NAV3: variants seen among roughly 807,000 people sequenced by gnomAD.
NAV3 encodes neuron navigator 3, also known as pore membrane and/or filament interacting like protein 1.
NAV3 carries 87 observed loss-of-function variants against 244.7 expected under a neutral mutation model. That is an observed-to-expected ratio of 0.36 (90% CI 0.30 to 0.42). The LOEUF is 0.42. Among genes scored for constraint, NAV3 ranks in the 20% least tolerant of loss-of-function variants. The pLI, the probability that NAV3 is intolerant of heterozygous loss-of-function variation, is 1.00. For missense variants in NAV3, 2,663 were observed against 2,893.3 expected (o/e 0.92, Z 1.83); for synonymous variants, 1,126 against 1,042.2 (o/e 1.08, Z -1.55).
At chr12:78,189,291 C>T (rs10506773) in intron 33 of NAV3, among the ~76,000 whole-genome samples, 82,670 of 151,466 alleles carry the variant, frequency 0.55, 22,918 homozygotes, top group East Asian at 0.81. Flanking sequence ...TTTGTCTTCA[C>T]AATTCCTTGT....
intron 2 of NAV3, among the ~76,000 whole-genome samples, chr12:77,814,050 C>G (rs1157138868): frequency 6.6e-6 from 1 of 152,142 alleles, no homozygotes; most frequent in African/African-American, 2.4e-5. Flanking sequence ...CTCACATCTA[C>G]TGTTTCAGAG....
chr12:78,016,500 A>G (rs1876238117), intron 8 of NAV3, among the ~76,000 whole-genome samples: 1 of 152,056 alleles, frequency 6.6e-6, no homozygotes, highest in Non-Finnish European at 1.5e-5. Context: ...TAAATCTTCC[A>G]TCCACACTAG....
At chr12:77,882,374 C>T (rs1882761929) in intron 1 of NAV3, among the ~76,000 whole-genome samples, 1 of 152,092 alleles carries the variant, frequency 6.6e-6, no homozygotes, top group Non-Finnish European at 1.5e-5. Context: ...AACTGGCTAG[C>T]CATATGCAGA....
intron 3 of NAV3, among the ~76,000 whole-genome samples, chr12:77,964,110 TG>T (rs1166537413): frequency 2.0e-5 from 3 of 151,762 alleles, no homozygotes; most frequent in African/African-American, 4.8e-5. Flanking sequence ...CCCTTCTGAT[TG>T]TGGTGCAAGT....
At chr12:77,984,263 C>T (rs1870076268) in intron 5 of NAV3, among the ~76,000 whole-genome samples, 1 of 152,138 alleles carries the variant, frequency 6.6e-6, no homozygotes, top group Non-Finnish European at 1.5e-5. Context: ...AACTGAGAGA[C>T]CAAGAGCCAC....
chr12:77,702,029 T>C (rs1314652020), intron 2 of NAV3, among the ~76,000 whole-genome samples: 1 of 151,994 alleles, frequency 6.6e-6, no homozygotes, highest in Admixed American at 6.6e-5. Flanking sequence ...TTTTTCTAGT[T>C]GTGTTATAAA....
At chr12:77,675,443 G>C in intron 2 of NAV3, among the ~76,000 whole-genome samples, 1 of 152,194 alleles carries the variant, frequency 6.6e-6, no homozygotes, top group Admixed American at 6.5e-5. Context: ...AGGCCCACCC[G>C]GAATAGCAAG....
At chr12:77,810,683 G>T (rs1209029836) in intron 2 of NAV3, among the ~76,000 whole-genome samples, 1 of 152,100 alleles carries the variant, frequency 6.6e-6, no homozygotes, top group Non-Finnish European at 1.5e-5. Context: ...AATTAAAATA[G>T]AACTAAGATA....
intron 2 of NAV3, among the ~76,000 whole-genome samples, chr12:77,719,976 T>G (rs1156728784): frequency 6.6e-6 from 1 of 152,196 alleles, no homozygotes; most frequent in African/African-American, 2.4e-5. Flanking sequence ...ATTCAATGTC[T>G]TAACTAGTTA....
At chr12:77,735,247 A>G (rs1877287784) in intron 2 of NAV3, among the ~76,000 whole-genome samples, 1 of 152,162 alleles carries the variant, frequency 6.6e-6, no homozygotes, top group Non-Finnish European at 1.5e-5. Context: ...TCCACTGATC[A>G]TTTATTTATA....
At position 78,118,192 on chromosome 12, in the gene NAV3, G is replaced by A. The variant is rs768126294; in HGVS notation, c.2935G>A (p.Ala979Thr). 5.0e-6 allele frequency: 8 copies of A among 1,613,968 alleles called. No homozygotes were observed. Among genetic ancestry groups the A allele is most frequent in the Non-Finnish European group, 6.8e-6 (8 of 1,179,992 alleles). ...PEDPEKAGQK[A>T]SLSVSQTGSW... ...AGACCCCGAGAAGGCAGGGCAGAAA[G>A]CTTCCCTGTCTGTTTCACAGACAGG... The change falls in exon 14 of 40, where the codon GCT becomes ACT. Residue 979 changes from alanine (A) to threonine (T), a missense_variant. Transcript: ENST00000397909.
At chr12:78,171,458 G>A (rs1252384332) in intron 24 of NAV3, among the ~76,000 whole-genome samples, 2 of 151,522 alleles carry the variant, frequency 1.3e-5, no homozygotes, top group African/African-American at 2.4e-5. Flanking sequence ...GAGGGGTGGA[G>A]CTTAAGGTAA....
At chr12:77,885,194 G>T (rs1259975796) in intron 1 of NAV3, among the ~76,000 whole-genome samples, 2 of 151,990 alleles carry the variant, frequency 1.3e-5, no homozygotes, top group African/African-American at 4.8e-5. Context: ...AAACTTTTTA[G>T]GAGTTAATAA....
chr12:77,682,843 T>A (rs892632726), intron 2 of NAV3, among the ~76,000 whole-genome samples: 10 of 152,168 alleles, frequency 6.6e-5, no homozygotes, highest in South Asian at 2.1e-4. Context: ...CACATTTTTT[T>A]AATTGTATTA....
At chr12:77,671,936 A>C (rs1592566194) in intron 2 of NAV3, among the ~76,000 whole-genome samples, 1 of 152,330 alleles carries the variant, frequency 6.6e-6, no homozygotes, top group East Asian at 1.9e-4. Flanking sequence ...GCTTCTGCAC[A>C]GCAAAATAAA....
At chr12:77,846,406 C>T (rs780115385) in intron 1 of NAV3, among the ~76,000 whole-genome samples, 30 of 152,140 alleles carry the variant, frequency 2.0e-4, no homozygotes, top group Non-Finnish European at 3.2e-4. Flanking sequence ...AGGATAAATA[C>T]GAAAATGTTG....
chr12:77,837,792 G>T lies in NAV3; in HGVS notation c.243+6088G>T, dbSNP rs139041958. Among the ~76,000 whole-genome samples the T allele has an allele frequency of 1.8e-3, 269 of 152,328 alleles. 1 individual carries two copies. The highest frequency in any genetic ancestry group is 5.5e-3 in the African/African-American group (228 of 41,578). On this transcript the variant is annotated intron_variant, in intron 1 of 39. Transcript: ENST00000397909. ...TTGGTGAATTGTAAATCAATCAGTG[G>T]TTGTGTGAAGTGCCTAGAATTATCA...
At chr12:77,650,946 C>T (rs1020558351) in intron 2 of NAV3, among the ~76,000 whole-genome samples, 4 of 152,016 alleles carry the variant, frequency 2.6e-5, no homozygotes, top group African/African-American at 4.8e-5. Context: ...TGATTGAGCA[C>T]GGAGGATAAA....
intron 23 of NAV3, among the ~76,000 whole-genome samples, chr12:78,163,892 T>C (rs372836918): frequency 4.2e-4 from 64 of 152,212 alleles, no homozygotes; most frequent in African/African-American, 1.4e-3. Context: ...TTAAACCTGA[T>C]GCCCTGAGGC....
Sources: allele counts gnomAD v4.1 joint callset (sites outside exome capture counted in the v4.1 genomes callset), GRCh38; gene constraint gnomAD v4.1.1; transcripts MANE v1.5; gene names NCBI Gene and HGNC (gene_info 2026-07-23, HGNC 2026-07-21).